The following DMD variants were observed in gnomAD, a reference collection of about 807,000 sequenced individuals.
DMD encodes the protein mutant dystrophin.
In DMD, 63 loss-of-function variants were observed where a neutral mutation model predicts 330.1. The observed-to-expected ratio is 0.19, with a 90% CI of 0.16 to 0.24. The LOEUF (loss-of-function observed/expected upper bound fraction) is 0.24, where lower values mean the gene tolerates loss of function less well. Among genes scored for constraint, DMD ranks in the 10% least tolerant of loss-of-function variants. The pLI is 1.00. For synonymous variants in DMD, 1,223 were observed against 959.8 expected (o/e 1.27, Z -5.07); for missense variants, 3,344 against 2,684.1 (o/e 1.25, Z -5.43).
chrX:31,961,283 T>C (rs750467003), intron 45 of DMD, among the ~76,000 whole-genome samples: 6 of 112,296 alleles, frequency 5.3e-5, no homozygotes, highest in Non-Finnish European at 1.1e-4. Context: ...GATAACATGA[T>C]AAAAACAGAA....
intron 1 of DMD, among the ~76,000 whole-genome samples, chrX:33,093,346 G>A (rs921159895): frequency 3.6e-5 from 4 of 112,154 alleles, no homozygotes; most frequent in Non-Finnish European, 7.5e-5. Context: ...CTCTGACTGA[G>A]TGTACGTCTT....
intron 60 of DMD, among the ~76,000 whole-genome samples, chrX:31,443,059 T>G (rs758678751): frequency 4.5e-5 from 5 of 111,724 alleles, no homozygotes; most frequent in Non-Finnish European, 9.4e-5. Context: ...ATTTGGTTTA[T>G]TATATTTTTC....
chrX:31,430,888 C>T (rs1272448262), intron 60 of DMD, among the ~76,000 whole-genome samples: 2 of 102,858 alleles, frequency 1.9e-5, no homozygotes, highest in East Asian at 6.1e-4. Flanking sequence ...CTGCAAGCTC[C>T]GCCTCCCAGG....
intron 54 of DMD, among the ~76,000 whole-genome samples, chrX:31,648,714 G>A (rs866539970): frequency 8.8e-5 from 9 of 102,393 alleles, no homozygotes; most frequent in African/African-American, 2.9e-4. Flanking sequence ...CCCTTTTTAG[G>A]GGGAAATTGG....
intron 49 of DMD, among the ~76,000 whole-genome samples, chrX:31,829,016 T>A (rs961268623): frequency 1.8e-5 from 2 of 111,456 alleles, no homozygotes; most frequent in African/African-American, 6.5e-5. Flanking sequence ...ATAAAGAAAA[T>A]GTGGTATCTA....
In DMD at chrX:32,362,927, G is replaced by C; in HGVS notation, c.5186C>G (p.Pro1729Arg). Residue 1729 changes from proline to arginine, a missense_variant, in exon 37 of 79, where the codon CCA becomes CGA. Transcript: ENST00000357033. ...TTGGTCACGTGTAGAGTCCACCTTT[G>C]GGCGTATGTCATTCAGTTCTGCCTT... Reference protein sequence around the residue: ...RLKAELNDIRPKVDSTRDQAA... With the variant: ...RLKAELNDIRRKVDSTRDQAA... 1 of 1,210,922 alleles carries C rather than the reference G, an allele frequency of 8.3e-7. No individual in the cohort carries two copies. Among genetic ancestry groups the C allele is most frequent in the Non-Finnish European group, 1.1e-6 (1 of 895,159 alleles).
chrX:31,585,497 T>TG (rs1603405313), intron 55 of DMD, among the ~76,000 whole-genome samples: 3 of 107,007 alleles, frequency 2.8e-5, no homozygotes, highest in African/African-American at 1.0e-4. Flanking sequence ...TTTTTTTTTT[T>TG]TTTTTAAATT....
At chrX:31,381,741 C>T (rs1294269687) in intron 60 of DMD, among the ~76,000 whole-genome samples, 1 of 112,101 alleles carries the variant, frequency 8.9e-6, no homozygotes, top group Admixed American at 9.4e-5. Context: ...CAAAGGCAGG[C>T]TATGCTATAG....
At chrX:32,783,640 TAAC>T (rs774316364) in intron 7 of DMD, among the ~76,000 whole-genome samples, 16 of 110,312 alleles carry the variant, frequency 1.5e-4, no homozygotes, top group African/African-American at 5.3e-4. Context: ...GAATAAAATG[TAAC>T]AACTATTTAC....
chrX:31,408,110 C>T (rs1322146486), intron 60 of DMD, among the ~76,000 whole-genome samples: 1 of 111,928 alleles, frequency 8.9e-6, no homozygotes, highest in African/African-American at 3.3e-5. Context: ...GATAGGTTTT[C>T]CAGGAAGGGA....
At chrX:32,089,879 C>T (rs1207931236) in intron 44 of DMD, among the ~76,000 whole-genome samples, 3 of 111,623 alleles carry the variant, frequency 2.7e-5, no homozygotes, top group African/African-American at 6.5e-5. Context: ...CTGCTTTCAA[C>T]GACCGAACTA....
At chrX:33,220,814 T>C (rs2052160368) in intron 1 of DMD, among the ~76,000 whole-genome samples, 1 of 111,681 alleles carries the variant, frequency 9.0e-6, no homozygotes, top group South Asian at 3.7e-4. Flanking sequence ...CATAGATGGG[T>C]CTAACAATAT....
intron 12 of DMD, among the ~76,000 whole-genome samples, chrX:32,603,735 C>A (rs1339590295): frequency 9.0e-6 from 1 of 110,781 alleles, no homozygotes; most frequent in Non-Finnish European, 1.9e-5. Flanking sequence ...TCTCTAGGTA[C>A]ACAAATTAGA....
chrX:33,329,062 A>C (rs1836773997), intron 1 of DMD, among the ~76,000 whole-genome samples: 2 of 112,177 alleles, frequency 1.8e-5, no homozygotes, highest in Admixed American at 9.5e-5. Context: ...CATTTTAAAA[A>C]TCAAGTTGAT....
chrX:33,330,414 C>T (rs1055803054), intron 1 of DMD, among the ~76,000 whole-genome samples: 1 of 111,591 alleles, frequency 9.0e-6, no homozygotes, highest in Admixed American at 9.6e-5. Context: ...CCTTTGTAAC[C>T]TCTGAGGTCT....
intron 44 of DMD, among the ~76,000 whole-genome samples, chrX:32,160,804 C>T (rs2096846862): frequency 9.0e-6 from 1 of 111,292 alleles, no homozygotes; most frequent in Admixed American, 9.6e-5. Flanking sequence ...GTACAAGATA[C>T]CAATCAATAT....
At chrX:33,138,899 A>G (rs1206578678) in intron 1 of DMD, among the ~76,000 whole-genome samples, 1 of 110,656 alleles carries the variant, frequency 9.0e-6, no homozygotes, top group Non-Finnish European at 1.9e-5. Context: ...TGCCACGTTT[A>G]CCTCTTTGCT....
intron 43 of DMD, among the ~76,000 whole-genome samples, chrX:32,256,779 T>C (rs1168215595): frequency 3.6e-5 from 4 of 111,304 alleles, no homozygotes; most frequent in Non-Finnish European, 7.5e-5. Flanking sequence ...TGAAACTTAG[T>C]TTGGCTGGAT....
At chrX:31,601,066 C>T (rs1408224362) in intron 55 of DMD, among the ~76,000 whole-genome samples, 1 of 111,755 alleles carries the variant, frequency 8.9e-6, no homozygotes, top group Non-Finnish European at 1.9e-5. Context: ...AATCATGAAA[C>T]AGGACACAAA....
Sources: allele counts gnomAD v4.1 joint callset (sites outside exome capture counted in the v4.1 genomes callset), GRCh38; gene constraint gnomAD v4.1.1; transcripts MANE v1.5; gene names NCBI Gene and HGNC (gene_info 2026-07-23, HGNC 2026-07-21).